Variants in CEP63 observed in about 807,000 individuals in gnomAD.
The protein encoded by CEP63 is centrosomal protein of 63 kDa.
In CEP63, 84 loss-of-function variants were observed where a neutral mutation model predicts 89.1. That is an observed-to-expected ratio of 0.94 (90% confidence interval 0.79 to 1.13). The LOEUF (loss-of-function observed/expected upper bound fraction) is 1.13, where lower values mean the gene tolerates loss of function less well. CEP63 is among the 50% of genes most tolerant of loss of function. The pLI, the probability that CEP63 is intolerant of heterozygous loss-of-function variation, is 0.00. For missense variants in CEP63, 838 were observed against 813.3 expected (o/e 1.03, Z -0.37); for synonymous variants, 267 against 272.5 (o/e 0.98, Z 0.20).
intron 1 of CEP63, among the ~76,000 whole-genome samples, chr3:134,486,973 T>C (rs1035267776): frequency 1.8e-4 from 27 of 152,128 alleles, no homozygotes; most frequent in Non-Finnish European, 2.5e-4. Context: ...ATCAGGAGAG[T>C]AAAGATGAGT....
chr3:134,654,876 C>A, the CEP63 span, among the ~76,000 whole-genome samples: 1 of 152,074 alleles, frequency 6.6e-6, no homozygotes, highest in Admixed American at 6.5e-5. Context: ...TGGGGAATGC[C>A]AGTTCTCTGT....
chr3:134,679,987 G>A, the CEP63 span, among the ~76,000 whole-genome samples: 1 of 152,194 alleles, frequency 6.6e-6, no homozygotes, highest in African/African-American at 2.4e-5. Flanking sequence ...GCCTCTCAAA[G>A]TGCTGGGGAT....
At chr3:134,670,663 G>A in the CEP63 span, among the ~76,000 whole-genome samples, 5 of 152,244 alleles carry the variant, frequency 3.3e-5, no homozygotes, top group Non-Finnish European at 1.5e-5. Flanking sequence ...ATTTTGGAGA[G>A]CTATTTGGCA....
intron 2 of CEP63, among the ~76,000 whole-genome samples, chr3:134,499,700 G>A (rs1941361082): frequency 6.6e-6 from 1 of 151,608 alleles, no homozygotes; most frequent in South Asian, 2.1e-4. Flanking sequence ...GCTTGGGCTT[G>A]TATGTATCCT....
chr3:134,659,840 C>G, the CEP63 span, among the ~76,000 whole-genome samples: 1 of 152,320 alleles, frequency 6.6e-6, no homozygotes, highest in Non-Finnish European at 1.5e-5. Flanking sequence ...TCGTCCCAAG[C>G]AGGAGTTGCC....
At chr3:134,517,848 G>A (rs191669570) in intron 3 of CEP63, among the ~76,000 whole-genome samples, 1 of 152,132 alleles carries the variant, frequency 6.6e-6, no homozygotes, top group South Asian at 2.1e-4. Context: ...TTAGAAAAGA[G>A]GAAGGGCTGA....
chr3:134,612,751 C>CTGTGTGTGTGTG, the CEP63 span, among the ~76,000 whole-genome samples: 2,734 of 125,398 alleles, frequency 0.022, 59 homozygotes, highest in African/African-American at 0.037. Flanking sequence ...CACGCCGATG[C>CTGTGTGTGTGTG]TGTGTGTGTG....
the CEP63 span, among the ~76,000 whole-genome samples, chr3:134,777,516 C>T: frequency 3.3e-5 from 5 of 151,208 alleles, no homozygotes; most frequent in African/African-American, 4.9e-5. Flanking sequence ...ATTTAAAACT[C>T]GAGAATTTGC....
the CEP63 span, among the ~76,000 whole-genome samples, chr3:134,714,966 G>C: frequency 6.6e-6 from 1 of 152,338 alleles, no homozygotes; most frequent in East Asian, 1.9e-4. Flanking sequence ...GGACCACAGA[G>C]GAGGGTGTCC....
the CEP63 span, among the ~76,000 whole-genome samples, chr3:134,739,721 G>T: frequency 2.1e-5 from 3 of 142,708 alleles, no homozygotes; most frequent in Non-Finnish European, 1.5e-5. Flanking sequence ...TTTTTGCTAA[G>T]GGACACATGC....
the CEP63 span, among the ~76,000 whole-genome samples, chr3:134,739,858 G>T: frequency 6.6e-6 from 1 of 152,184 alleles, no homozygotes; most frequent in Non-Finnish European, 1.5e-5. Context: ...CAGTAGCTGG[G>T]TTGTGAAGTG....
At chr3:134,540,372 A>G (rs967737036) in intron 6 of CEP63, among the ~76,000 whole-genome samples, 5 of 152,146 alleles carry the variant, frequency 3.3e-5, no homozygotes, top group African/African-American at 4.8e-5. Flanking sequence ...TTTTGTAAAT[A>G]GTGCTTAGAT....
chr3:134,665,682 CACACACACACACACACACACAG>C, the CEP63 span, among the ~76,000 whole-genome samples: 1 of 136,658 alleles, frequency 7.3e-6, no homozygotes, highest in African/African-American at 2.6e-5. Flanking sequence ...CACACACACA[CACACACACACACACACACACAG>C]AGAGAGAGAG....
At chr3:134,761,334 C>A in the CEP63 span, among the ~76,000 whole-genome samples, 2 of 152,158 alleles carry the variant, frequency 1.3e-5, no homozygotes, top group Non-Finnish European at 2.9e-5. Context: ...TGAGAGAGAA[C>A]CTGGTGTGGA....
chr3:134,499,642 G>A (rs1490718172), intron 2 of CEP63, among the ~76,000 whole-genome samples: 16 of 151,914 alleles, frequency 1.1e-4, no homozygotes, highest in Non-Finnish European at 1.0e-4. Flanking sequence ...TTTAGATTCA[G>A]GGGTACATGT....
Position 134,545,616 on chromosome 3 carries a change from G to T in CEP63, c.586G>T (p.Glu196Ter). Residue 196 changes from glutamate (E) to a stop codon, truncating the protein, a stop_gained, in exon 7 of 15, where the codon GAG becomes TAG. Coordinates refer to ENST00000675561, the MANE Select transcript of CEP63 (RefSeq NM_001353108.3). LOFTEE classifies it high-confidence loss of function. ...AQLVNRKQKL[E>*]SVELSSQSEI... ...GCTTGTCAATCGGAAACAGAAATTA[G>T]AGTCTGTGGAACTTTCTAGCCAATC... 6.2e-7 allele frequency: 1 copy of T among 1,614,064 alleles called. No homozygotes were observed. Among genetic ancestry groups the T allele is most frequent in the Non-Finnish European group, 8.5e-7 (1 of 1,179,990 alleles).
intron 3 of CEP63, among the ~76,000 whole-genome samples, chr3:134,519,220 T>C (rs1357957620): frequency 6.6e-6 from 1 of 151,924 alleles, no homozygotes; most frequent in Admixed American, 6.6e-5. Flanking sequence ...GCCTCCTGGG[T>C]TCAAGCGATT....
At chr3:134,740,571 A>G in the CEP63 span, among the ~76,000 whole-genome samples, 2 of 152,266 alleles carry the variant, frequency 1.3e-5, no homozygotes, top group East Asian at 1.9e-4. Context: ...TGCTGGGATT[A>G]CAGGCGTGAG....
the CEP63 span, among the ~76,000 whole-genome samples, chr3:134,780,822 C>A: frequency 2.2e-4 from 33 of 152,170 alleles, no homozygotes; most frequent in Admixed American, 1.9e-3. Flanking sequence ...GTAGTTTGTG[C>A]TTTTTGTGTC....
Sources: allele counts gnomAD v4.1 joint callset (sites outside exome capture counted in the v4.1 genomes callset), GRCh38; gene constraint gnomAD v4.1.1; transcripts MANE v1.5; gene names NCBI Gene and HGNC (gene_info 2026-07-23, HGNC 2026-07-21).